NXPH3: variants seen among roughly 807,000 people sequenced by gnomAD.
NXPH3 encodes neurexophilin 3, also known as neurexophilin-3.
Under a neutral mutation model 18.8 loss-of-function variants are expected in NXPH3, and 7 were observed. The ratio of observed to expected loss-of-function variants is 0.37; its 90% CI spans 0.21 to 0.70. The LOEUF is 0.70. Among genes scored for constraint, NXPH3 ranks in the 30% least tolerant of loss-of-function variants. The pLI is 0.53. For synonymous variants in NXPH3, 101 were observed against 137.3 expected (o/e 0.74, Z 1.85); for missense variants, 282 against 338.1 (o/e 0.83, Z 1.30).
rs1414144759 is a variant in NXPH3 at position 49,581,198 on chromosome 17, CTAGT to C, written c.*1899_*1902del. On this transcript the variant is annotated 3_prime_UTR_variant, in exon 2 of 2. Transcript: ENST00000328741. ...TGCGTCAGTCACTCCCCTCCTGCAG[CTAGT>C]AAGAGGCCTCAGAATGGCCAGCTGC... 4.3e-6 allele frequency: 1 copy of C among 234,308 alleles called. No individual in the cohort carries two copies. The highest frequency in any genetic ancestry group is 8.3e-6 in the Non-Finnish European group (1 of 120,630). 14.5% of individuals were successfully genotyped at this position (234,308 alleles called of 1,614,324 possible).
At chr17:49,577,481 C>T (rs574048421) in intron 1 of NXPH3, among the ~76,000 whole-genome samples, 41 of 152,308 alleles carry the variant, frequency 2.7e-4, no homozygotes, top group Middle Eastern at 3.4e-3. Flanking sequence ...GCCCTGTCAA[C>T]CCCCTGATGC....
chr17:49,576,037 C>A lies in NXPH3; in HGVS notation c.-183C>A. 3 of 599,846 alleles carry A rather than the reference C, an allele frequency of 5.0e-6. No individual in the cohort carries two copies. The highest frequency in any genetic ancestry group is 8.4e-6 in the Non-Finnish European group (3 of 355,436). 37.2% of individuals were successfully genotyped at this position (599,846 alleles called of 1,614,324 possible). Reference sequence around the variant, plus strand: ...GCGCAGCTGGACCAGGGGAGGGGGGCGGCGGCTGCACAGCTGGACCGAAGG... The same window carrying A: ...GCGCAGCTGGACCAGGGGAGGGGGGAGGCGGCTGCACAGCTGGACCGAAGG... On this transcript the variant is annotated 5_prime_UTR_variant, in exon 1 of 2. Transcript: ENST00000328741.
At position 49,581,220 on chromosome 17, in the gene NXPH3, C is replaced by T. The variant is rs773559901; in HGVS notation, c.*1920C>T. On this transcript the variant is annotated 3_prime_UTR_variant, in exon 2 of 2. Coordinates refer to ENST00000328741, the MANE Select transcript of NXPH3 (RefSeq NM_007225.4). The stretch of plus-strand genomic sequence containing the variant: ...CAGCTAGTAAGAGGCCTCAGAATGG[C>T]CAGCTGCCAGTGGCACCTTGTCTGG... 1.2e-4 allele frequency: 30 copies of T among 257,568 alleles called. No homozygotes were observed. Among genetic ancestry groups the T allele is most frequent in the Non-Finnish European group, 2.1e-4 (29 of 135,584 alleles). The allele number at this position is 257,568 out of a possible 1,614,324, so 16.0% of individuals were successfully genotyped here. A position where few individuals can be genotyped will look rare whatever the true frequency, so the allele number is the denominator to read the frequency against.
At position 49,579,488 on chromosome 17, in the gene NXPH3, A is replaced by C; in HGVS notation, c.*188A>C. On this transcript the variant is annotated 3_prime_UTR_variant, in exon 2 of 2. Transcript: ENST00000328741. The surrounding 1 kb of genome is among the most constrained non-coding windows in gnomAD (Gnocchi z 6.0). Reference sequence around the variant, plus strand: ...AGAAAGGGTCCCAAGTGCTGGTCCCAACCTGAAGCTGTGGAGTGACTAGAT... The same window carrying C: ...AGAAAGGGTCCCAAGTGCTGGTCCCCACCTGAAGCTGTGGAGTGACTAGAT... The C allele has an allele frequency of 1.7e-6, 1 of 602,842 alleles. No homozygotes were observed. Among genetic ancestry groups the C allele is most frequent in the African/African-American group, 1.9e-5 (1 of 54,000 alleles). 37.3% of individuals were successfully genotyped at this position (602,842 alleles called of 1,614,324 possible).
In NXPH3 at chr17:49,580,567, C is replaced by T. The variant is rs2071595521; in HGVS notation, c.*1267C>T. On this transcript the variant is annotated 3_prime_UTR_variant, in exon 2 of 2. Coordinates refer to ENST00000328741, the MANE Select transcript of NXPH3 (RefSeq NM_007225.4). ...CCACGAGGAAACTTGAGCAAACACCCTGGGCTCGGTGCTGGAGGAGGGCGT... is the reference window on the plus strand; with the variant it reads ...CCACGAGGAAACTTGAGCAAACACCTTGGGCTCGGTGCTGGAGGAGGGCGT... 1 of 152,338 alleles carries T rather than the reference C, an allele frequency of 6.6e-6. No homozygotes were observed. The allele number at this position is 152,338 out of a possible 1,614,324, so 9.4% of individuals were successfully genotyped here.
Position 49,579,278 on chromosome 17 carries a change from C to T in NXPH3, c.737C>T (p.Thr246Ile). ...CCAGATTACAACTACCATAGTGATA[C>T]CCCCTACTACCCATCTGGGTGACCC... Reference protein sequence around the residue: ...VCPDYNYHSDTPYYPSG With the variant: ...VCPDYNYHSDIPYYPSG Residue 246 changes from threonine (T) to isoleucine (I), a missense_variant, in exon 2 of 2, where the codon ACC becomes ATC. By Grantham distance (89) the Thr-to-Ile change is moderately conservative. Transcript: ENST00000328741. This position sits in a 1 kb window ranked among gnomAD's most constrained non-coding sequence, Gnocchi z 6.0. 1 of 1,597,990 alleles carries T rather than the reference C, an allele frequency of 6.3e-7. No homozygotes were observed. Among genetic ancestry groups the T allele is most frequent in the Non-Finnish European group, 8.5e-7 (1 of 1,179,040 alleles).
Position 49,579,396 on chromosome 17 carries a change from T to G in NXPH3, c.*96T>G, listed in dbSNP as rs2071588908. 31 of 1,102,796 alleles carry G rather than the reference T, an allele frequency of 2.8e-5. 1 individual carries two copies. The South Asian group carries it at 4.7e-4, about 17-fold the overall frequency. The allele number at this position is 1,102,796 out of a possible 1,614,324, so 68.3% of individuals were successfully genotyped here. On this transcript the variant is annotated 3_prime_UTR_variant, in exon 2 of 2. Transcript: ENST00000328741. The surrounding 1 kb of genome is among the most constrained non-coding windows in gnomAD (Gnocchi z 6.0). ...CACCGGGCAGGGAAGGGGTTGGGCC[T>G]CAGGCAGGGAGGGGGGTGGAGACGA...
chr17:49,581,167 A>T lies in NXPH3; in HGVS notation c.*1867A>T. ...ACAGGCTGGAGTGGGGTGTGGACAC[A>T]GGGCCTGCGTCAGTCACTCCCCTCC... On this transcript the variant is annotated 3_prime_UTR_variant, in exon 2 of 2. Coordinates refer to ENST00000328741, the MANE Select transcript of NXPH3 (RefSeq NM_007225.4). 1 of 198,944 alleles carries T rather than the reference A, an allele frequency of 5.0e-6. No homozygotes were observed. The highest frequency in any genetic ancestry group is 1.0e-5 in the Non-Finnish European group (1 of 97,874). The allele number at this position is 198,944 out of a possible 1,614,324, so 12.3% of individuals were successfully genotyped here.
chr17:49,576,011 C>A lies in NXPH3; in HGVS notation c.-209C>A, dbSNP rs2071568576. ...GGGACCTCGAGCGGGGGCCGTGCCG[C>A]GCGCAGCTGGACCAGGGGAGGGGGG... On this transcript the variant is annotated 5_prime_UTR_variant, in exon 1 of 2. Transcript: ENST00000328741. The A allele has an allele frequency of 7.4e-6, 4 of 540,344 alleles. No homozygotes were observed. The highest frequency in any genetic ancestry group is 9.5e-6 in the Non-Finnish European group (3 of 314,666). The allele number at this position is 540,344 out of a possible 1,614,324, so 33.5% of individuals were successfully genotyped here. A position where few individuals can be genotyped will look rare whatever the true frequency, so the allele number is the denominator to read the frequency against.
In NXPH3 at chr17:49,578,934, C is replaced by A; in HGVS notation, c.393C>A (p.Ser131Arg). 6.2e-7 allele frequency: 1 copy of A among 1,614,164 alleles called. No homozygotes were observed. Among genetic ancestry groups the A allele is most frequent in the Non-Finnish European group, 8.5e-7 (1 of 1,180,020 alleles). The change falls in exon 2 of 2, where the codon AGC becomes AGA. Residue 131 changes from serine to arginine, a missense_variant. Ser to Arg is a moderately radical substitution (Grantham distance 110). Transcript: ENST00000328741. The surrounding 1 kb of genome is among the most constrained non-coding windows in gnomAD (Gnocchi z 4.5). Reference sequence around the variant, plus strand: ...TGGACCATGGCAATGGGACCTTCAGCGTCCACTTCCAACACAATGCCACAG... The same window carrying A: ...TGGACCATGGCAATGGGACCTTCAGAGTCCACTTCCAACACAATGCCACAG... ...KIVDHGNGTF[S>R]VHFQHNATGQ...
chr17:49,579,301 C>T lies in NXPH3; in HGVS notation c.*1C>T, dbSNP rs1425611108. 4 of 1,593,450 alleles carry T rather than the reference C, an allele frequency of 2.5e-6. No individual in the cohort carries two copies. The highest frequency in any genetic ancestry group is 3.4e-6 in the Non-Finnish European group (4 of 1,175,864). Reference sequence around the variant, plus strand: ...TACCCCCTACTACCCATCTGGGTGACCCGGGGCAGGCCACAGAGGCCAGGC... The same window carrying T: ...TACCCCCTACTACCCATCTGGGTGATCCGGGGCAGGCCACAGAGGCCAGGC... On this transcript the variant is annotated 3_prime_UTR_variant, in exon 2 of 2. Transcript: ENST00000328741. This position sits in a 1 kb window ranked among gnomAD's most constrained non-coding sequence, Gnocchi z 6.0.
chr17:49,578,360 T>G lies in NXPH3; in HGVS notation c.55-236T>G, dbSNP rs1160069106. Among the ~76,000 whole-genome samples, 1 of 149,836 alleles carries G rather than the reference T, an allele frequency of 6.7e-6. No individual in the cohort carries two copies. The highest frequency in any genetic ancestry group is 2.0e-4 in the East Asian group (1 of 4,998). ...ATTGTCGGTCTTTGAGACTTTGAAT[T>G]TGAATAGTGGCCAAGACAGTGAGGA... On this transcript the variant is annotated intron_variant, in intron 1 of 1. Coordinates refer to ENST00000328741, the MANE Select transcript of NXPH3 (RefSeq NM_007225.4). The surrounding 1 kb of genome is among the most constrained non-coding windows in gnomAD (Gnocchi z 4.5).
chr17:49,579,485 C>G lies in NXPH3; in HGVS notation c.*185C>G. 1 of 606,132 alleles carries G rather than the reference C, an allele frequency of 1.6e-6. No homozygotes were observed. Among genetic ancestry groups the G allele is most frequent in the Non-Finnish European group, 2.9e-6 (1 of 344,086 alleles). The allele number at this position is 606,132 out of a possible 1,614,324, so 37.5% of individuals were successfully genotyped here. A position where few individuals can be genotyped will look rare whatever the true frequency, so the allele number is the denominator to read the frequency against. ...CAGAGAAAGGGTCCCAAGTGCTGGT[C>G]CCAACCTGAAGCTGTGGAGTGACTA... On this transcript the variant is annotated 3_prime_UTR_variant, in exon 2 of 2. Coordinates refer to ENST00000328741, the MANE Select transcript of NXPH3 (RefSeq NM_007225.4). The surrounding 1 kb of genome is among the most constrained non-coding windows in gnomAD (Gnocchi z 6.0).
Position 49,579,375 on chromosome 17 carries a change from G to A in NXPH3, c.*75G>A, listed in dbSNP as rs562517164. ...CCATGCAGGAGACCATCTGGACACC[G>A]GGCAGGGAAGGGGTTGGGCCTCAGG... On this transcript the variant is annotated 3_prime_UTR_variant, in exon 2 of 2. Coordinates refer to ENST00000328741, the MANE Select transcript of NXPH3 (RefSeq NM_007225.4). The surrounding 1 kb of genome is among the most constrained non-coding windows in gnomAD (Gnocchi z 6.0). 7.0e-5 allele frequency: 91 copies of A among 1,302,896 alleles called. No individual in the cohort carries two copies. Among genetic ancestry groups the A allele is most frequent in the African/African-American group, 3.7e-4 (25 of 68,440 alleles). The allele number at this position is 1,302,896 out of a possible 1,614,324, so 80.7% of individuals were successfully genotyped here.
Position 49,575,909 on chromosome 17 carries a change from G to C in NXPH3, c.-311G>C, listed in dbSNP as rs1483366008. 3.1e-6 allele frequency: 1 copy of C among 326,690 alleles called. No individual in the cohort carries two copies. Among genetic ancestry groups the C allele is most frequent in the Non-Finnish European group, 5.5e-6 (1 of 181,370 alleles). The allele number at this position is 326,690 out of a possible 1,614,324, so 20.2% of individuals were successfully genotyped here. On this transcript the variant is annotated 5_prime_UTR_variant, in exon 1 of 2. Coordinates refer to ENST00000328741, the MANE Select transcript of NXPH3 (RefSeq NM_007225.4). This position sits in a 1 kb window ranked among gnomAD's most constrained non-coding sequence, Gnocchi z 4.3. ...GAGAGCGGCGCCGCTGGAGCCGAGG[G>C]GGGCGCCGAGCGCAGATCTGGAGCA...
At position 49,582,736 on chromosome 17, in the gene NXPH3, G is replaced by C. The variant is rs2071607000; in HGVS notation, c.*3436G>C. 1 of 152,336 alleles carries C rather than the reference G, an allele frequency of 6.6e-6. No individual in the cohort carries two copies. The highest frequency in any genetic ancestry group is 2.1e-4 in the South Asian group (1 of 4,838). 9.4% of individuals were successfully genotyped at this position (152,336 alleles called of 1,614,324 possible). On this transcript the variant is annotated 3_prime_UTR_variant, in exon 2 of 2. Transcript: ENST00000328741. ...TTCCTAGGCATCAGAGCACCTGGAGGCTGCCTCTGCCCTTCAGCTTTGCTC... is the reference window on the plus strand; with the variant it reads ...TTCCTAGGCATCAGAGCACCTGGAGCCTGCCTCTGCCCTTCAGCTTTGCTC...
rs1196358652 is a variant in NXPH3, at chr17:49,578,973, C to T, written c.432C>T (p.Ile144=). The change falls in exon 2 of 2, where the codon ATC becomes ATT. Residue 144 remains isoleucine, a synonymous_variant. Transcript: ENST00000328741. The surrounding 1 kb of genome is among the most constrained non-coding windows in gnomAD (Gnocchi z 4.5). ...ACAATGCCACAGGCCAGGGAAACATCTCCATCAGCCTCGTGCCCCCCAGTA... is the reference window on the plus strand; with the variant it reads ...ACAATGCCACAGGCCAGGGAAACATTTCCATCAGCCTCGTGCCCCCCAGTA... The part of the protein sequence containing the change: ...FQHNATGQGN[I]SISLVPPSKA... 3.7e-6 allele frequency: 6 copies of T among 1,614,102 alleles called. No individual in the cohort carries two copies. The highest frequency in any genetic ancestry group is 5.1e-6 in the Non-Finnish European group (6 of 1,180,048).
In NXPH3 at chr17:49,581,359, T is replaced by A; in HGVS notation, c.*2059T>A. Reference sequence around the variant, plus strand: ...TGGGAGGGCAGCACTCAGGGCCCTTTGGGCCCTCTTGAGGAGAGGAGAGTC... The same window carrying A: ...TGGGAGGGCAGCACTCAGGGCCCTTAGGGCCCTCTTGAGGAGAGGAGAGTC... On this transcript the variant is annotated 3_prime_UTR_variant, in exon 2 of 2. Coordinates refer to ENST00000328741, the MANE Select transcript of NXPH3 (RefSeq NM_007225.4). 1.8e-6 allele frequency: 1 copy of A among 564,836 alleles called. No homozygotes were observed. The highest frequency in any genetic ancestry group is 3.1e-6 in the Non-Finnish European group (1 of 321,298). The allele number at this position is 564,836 out of a possible 1,614,324, so 35.0% of individuals were successfully genotyped here.
chr17:49,577,345 C>A (rs1046483908), intron 1 of NXPH3, among the ~76,000 whole-genome samples: 2 of 152,210 alleles, frequency 1.3e-5, no homozygotes, highest in Non-Finnish European at 2.9e-5. Flanking sequence ...CCTTGGAACC[C>A]TACTGTCCCC....
Sources: gnomAD v4.1 joint callset for allele counts (sites outside exome capture counted in the v4.1 genomes callset) on GRCh38, gnomAD v4.1.1 for gene constraint, Gnocchi (gnomAD v3.1) non-coding constraint, MANE v1.5 for transcripts, NCBI Gene and HGNC (gene_info 2026-07-23, HGNC 2026-07-21) for gene names.